The following PHGDH variants were observed in gnomAD, a reference collection of about 807,000 sequenced individuals.
PHGDH encodes D-3-phosphoglycerate dehydrogenase.
Under a neutral mutation model 52.6 loss-of-function variants are expected in PHGDH, and 50 were observed. The ratio of observed to expected loss-of-function variants is 0.95; its 90% CI spans 0.76 to 1.20. PHGDH has a LOEUF of 1.20. PHGDH is among the 50% of genes most tolerant of loss of function. The pLI is 0.00. For missense variants in PHGDH, 630 were observed against 684.6 expected, an observed-to-expected ratio of 0.92 and a Z score of 0.89; for synonymous variants, 271 against 280.5, an observed-to-expected ratio of 0.97 and a Z score of 0.34.
chr1:119,715,122 T>A (rs1650870727), intron 1 of PHGDH, among the ~76,000 whole-genome samples: 1 of 152,254 alleles, frequency 6.6e-6, no homozygotes, highest in African/African-American at 2.4e-5. Context: ...TTGTTTTATG[T>A]CATAACTTAA....
At chr1:119,732,929 GA>G (rs1291052135) in intron 5 of PHGDH, among the ~76,000 whole-genome samples, 1 of 151,028 alleles carries the variant, frequency 6.6e-6, no homozygotes, top group African/African-American at 2.4e-5. Context: ...CTCCATATGA[GA>G]AAAAAAAATA....
chr1:119,714,649 A>C (rs1285884973), intron 1 of PHGDH, among the ~76,000 whole-genome samples: 1 of 152,218 alleles, frequency 6.6e-6, no homozygotes, highest in Non-Finnish European at 1.5e-5. Context: ...GAGGCAGATC[A>C]TTTGAACTGA....
Position 119,744,139 on chromosome 1 carries a change from G to A in PHGDH, c.*99G>A, listed in dbSNP as rs1652338829. 1.7e-6 allele frequency: 2 copies of A among 1,147,234 alleles called. No individual in the cohort carries two copies. Among genetic ancestry groups the A allele is most frequent in the Admixed American group, 1.7e-5 (1 of 59,054 alleles). The allele number at this position is 1,147,234 out of a possible 1,614,324, so 71.1% of individuals were successfully genotyped here. A position where few individuals can be genotyped will look rare whatever the true frequency, so the allele number is the denominator to read the frequency against. ...AAATCCACATTCTTGGGCTGAACGC[G>A]GGCCTCTGACACTGCTTACACTGCA... is the stretch of plus-strand genomic sequence containing the variant. On this transcript the variant is annotated 3_prime_UTR_variant, in exon 12 of 12. Transcript: ENST00000641023.
chr1:119,721,298 A>C lies in PHGDH; in HGVS notation c.267A>C (p.Thr89=), dbSNP rs767488641. 75 of 1,613,950 alleles carry C rather than the reference A, an allele frequency of 4.6e-5. 1 individual carries two copies. In the South Asian group the frequency reaches 6.8e-4, roughly 15 times the overall value. ...ACAATGTGGATCTGGAGGCCGCAAC[A>C]AGGAAGGGCATCTTGGTTATGAAGT... ...GVDNVDLEAA[T]RKGILVMNTP... The change falls in exon 2 of 12, where the codon ACA becomes ACC. Residue 89 remains threonine (T), a synonymous_variant. Transcript: ENST00000641023.
intron 5 of PHGDH, chr1:119,727,628 G>C: frequency 6.4e-6 from 1 of 157,224 alleles, no homozygotes; most frequent in Admixed American, 6.0e-5. Flanking sequence ...AGGAGATCAA[G>C]ACCATCCTGG....
chr1:119,712,172 G>T lies in PHGDH; in HGVS notation c.138+12G>T. The T allele has an allele frequency of 1.2e-6, 2 of 1,613,402 alleles. No homozygotes were observed. The highest frequency in any genetic ancestry group is 1.1e-5 in the South Asian group (1 of 90,958). ...TAGCGGAGCTGCAGGTAAGGCGAGA[G>T]AGAGAAAATTGAGGTCTCTAGGGCA... On this transcript the variant is annotated intron_variant, in intron 1 of 11. Coordinates refer to ENST00000641023, the MANE Select transcript of PHGDH (RefSeq NM_006623.4).
intron 10 of PHGDH, chr1:119,742,101 G>GT: frequency 1.6e-6 from 1 of 607,032 alleles, no homozygotes; most frequent in Non-Finnish European, 3.0e-6. Flanking sequence ...ACTGCTTTGT[G>GT]TATGAGTGCT....
At chr1:119,725,988 T>A (rs938719395) in intron 3 of PHGDH, among the ~76,000 whole-genome samples, 2 of 144,936 alleles carry the variant, frequency 1.4e-5, no homozygotes, top group Admixed American at 1.4e-4. Context: ...AATAAAGTGC[T>A]CCTTAAACAT....
chr1:119,728,887 C>T (rs1165334844), intron 5 of PHGDH, among the ~76,000 whole-genome samples: 2 of 152,198 alleles, frequency 1.3e-5, no homozygotes, highest in East Asian at 3.8e-4. Context: ...TGCTATGGAA[C>T]TCTCCCTTTT....
chr1:119,734,249 C>T (rs1651832600), intron 5 of PHGDH: 23 of 336,456 alleles, frequency 6.8e-5, no homozygotes, highest in South Asian at 5.5e-4. Flanking sequence ...CCAAGCTCCA[C>T]CTTGTCCAGA....
In PHGDH at chr1:119,741,839, A is replaced by T; in HGVS notation, c.1151A>T (p.Lys384Met). The change falls in exon 10 of 12, where the codon AAG (lysine) becomes ATG (methionine). Residue 384 changes from lysine (K) to methionine (M), a missense_variant. Physicochemically the swap from Lys to Met is moderately conservative, Grantham distance 95. Transcript: ENST00000641023. ...VIVGLLKEAS[K>M]QADVNLVNAK... is the part of the protein sequence containing the mutation. ...GTCGGCCTCCTGAAAGAGGCTTCCA[A>T]GCAGGCGGATGTGAACTTGGTGAAC... 1 of 1,613,842 alleles carries T rather than the reference A, an allele frequency of 6.2e-7. No individual in the cohort carries two copies. The highest frequency in any genetic ancestry group is 8.5e-7 in the Non-Finnish European group (1 of 1,179,710).
Position 119,742,931 on chromosome 1 carries a change from T to C in PHGDH, c.1334T>C (p.Leu445Pro). 6.2e-7 allele frequency: 1 copy of C among 1,613,984 alleles called. No individual in the cohort carries two copies. The highest frequency in any genetic ancestry group is 8.5e-7 in the Non-Finnish European group (1 of 1,179,802). ...VGLVQGTTPV[L>P]QGLNGAVFRP... ...TTGGTCCAAGGCACTACGCCTGTAC[T>C]GCAGGGGCTCAATGGAGCTGTCTTC... Residue 445 changes from leucine (L) to proline (P), a missense_variant, in exon 11 of 12, where the codon CTG becomes CCG. Leu to Pro is a moderately conservative substitution (Grantham distance 98, BLOSUM62 -3). Transcript: ENST00000641023.
chr1:119,743,031 G>A lies in PHGDH; in HGVS notation c.1434G>A (p.Leu478=), dbSNP rs1420781632. ...CTCAGACCTCTGACCCTGCAATGCTGCCTACCATGATTGGTGAGGAGGGCC... is the reference window on the plus strand; with the variant it reads ...CTCAGACCTCTGACCCTGCAATGCTACCTACCATGATTGGTGAGGAGGGCC... ...FRTQTSDPAM[L]PTMIGLLAEA... is the part of the protein sequence containing the mutation. The change falls in exon 11 of 12, where the codon CTG becomes CTA. Residue 478 remains leucine, a synonymous_variant. Coordinates refer to ENST00000641023, the MANE Select transcript of PHGDH (RefSeq NM_006623.4). 2.5e-6 allele frequency: 4 copies of A among 1,608,794 alleles called. No homozygotes were observed. Among genetic ancestry groups the A allele is most frequent in the Non-Finnish European group, 3.4e-6 (4 of 1,175,156 alleles).
intron 1 of PHGDH, among the ~76,000 whole-genome samples, chr1:119,714,876 C>T (rs962072542): frequency 1.1e-4 from 17 of 152,132 alleles, no homozygotes; most frequent in African/African-American, 4.1e-4. Context: ...ATGATCTCGC[C>T]ACTGCAATCC....
At chr1:119,735,781 G>T (rs957134645) in intron 7 of PHGDH, among the ~76,000 whole-genome samples, 3 of 152,212 alleles carry the variant, frequency 2.0e-5, no homozygotes, top group African/African-American at 7.2e-5. Context: ...AAGAGAGGGG[G>T]CTTTAGTGTA....
At chr1:119,727,186 C>A (rs1340608006) in intron 5 of PHGDH, 84 bp downstream of exon 5, 9 of 844,400 alleles carry the variant, frequency 1.1e-5, no homozygotes, top group Middle Eastern at 2.2e-4. Context: ...AAGCCAGAAG[C>A]TTTGTTCTAG....
Position 119,743,670 on chromosome 1 carries a change from C to T in PHGDH, c.1448-216C>T, listed in dbSNP as rs1652313264. On this transcript the variant is annotated intron_variant, in intron 11 of 11. Coordinates refer to ENST00000641023, the MANE Select transcript of PHGDH (RefSeq NM_006623.4). ...CTGGCAATCAGAAAGTCAAGAGCTA[C>T]AGCTGATGGTCATGGTGTTCCCAGA... Among the ~76,000 whole-genome samples the T allele has an allele frequency of 2.0e-5, 3 of 152,242 alleles. No individual in the cohort carries two copies. The South Asian group carries it at 6.2e-4, about 32-fold the overall frequency.
rs143217390 is a variant in PHGDH, at chr1:119,712,160, G to A, written c.138G>A (p.Gln46=). The A allele has an allele frequency of 1.8e-5, 29 of 1,613,768 alleles. No homozygotes were observed. Among genetic ancestry groups the A allele is most frequent in the Admixed American group, 3.3e-5 (2 of 60,008 alleles). Residue 46 remains glutamine, a splice_region_variant and synonymous_variant, in exon 1 of 12, where the codon CAG becomes CAA. Coordinates refer to ENST00000641023, the MANE Select transcript of PHGDH (RefSeq NM_006623.4). ...AAGAGGAGCTGATAGCGGAGCTGCAGGTAAGGCGAGAGAGAGAAAATTGAG... is the reference window on the plus strand; with the variant it reads ...AAGAGGAGCTGATAGCGGAGCTGCAAGTAAGGCGAGAGAGAGAAAATTGAG... ...LSKEELIAEL[Q]DCEGLIVRSA...
At chr1:119,740,038 T>G in intron 8 of PHGDH, 1 of 261,616 alleles carries the variant, frequency 3.8e-6, no homozygotes, top group Non-Finnish European at 7.5e-6. Context: ...GCGACTCCCA[T>G]ATGTTTTGTG....
Sources: allele counts gnomAD v4.1 joint callset (sites outside exome capture counted in the v4.1 genomes callset), GRCh38; gene constraint gnomAD v4.1.1; transcripts MANE v1.5; gene names NCBI Gene and HGNC (gene_info 2026-07-23, HGNC 2026-07-21).